DDX3X: variants seen among roughly 807,000 people sequenced by gnomAD.
The protein encoded by DDX3X is DEAD-box helicase 3 X-linked.
DDX3X carries 4 observed loss-of-function variants against 52.7 expected under a neutral mutation model. The observed-to-expected ratio is 0.08, with a 90% CI of 0.04 to 0.17. DDX3X has a LOEUF of 0.17. Ranked by LOEUF, DDX3X falls within the 10% of genes least tolerant of loss-of-function variation. DDX3X has a pLI of 1.00. For missense variants in DDX3X, 222 were observed against 548.6 expected, an observed-to-expected ratio of 0.40 and a Z score of 5.95; for synonymous variants, 192 against 178.1, an observed-to-expected ratio of 1.08 and a Z score of -0.62.
At chrX:41,335,372 G>A (rs2063750495) in intron 1 of DDX3X, 1 of 111,451 alleles carries the variant, frequency 9.0e-6, no homozygotes, top group Admixed American at 9.5e-5. Flanking sequence ...GTTGCTATCT[G>A]TGGAGTAGAA....
At chrX:41,334,546 A>G (rs1019017514) in intron 1 of DDX3X, 45 of 1,091,432 alleles carry the variant, frequency 4.1e-5, no homozygotes, top group Non-Finnish European at 5.2e-5. Context: ...GTGCGTGCGC[A>G]GGCGGGCGGA....
chrX:41,362,687 A>G (rs1204797682), intron 5 of DDX3X, among the ~76,000 whole-genome samples: 1 of 112,178 alleles, frequency 8.9e-6, no homozygotes, highest in Non-Finnish European at 1.9e-5. Context: ...GTTCCAAGGA[A>G]GCGCTACAGA....
downstream of DDX3X, among the ~76,000 whole-genome samples, chrX:41,353,179 C>T (rs1481667517): frequency 1.8e-5 from 2 of 109,615 alleles, no homozygotes; most frequent in South Asian, 3.9e-4. Context: ...TTGGGCTGGG[C>T]GCAGTGGCTC....
At chrX:41,345,097 A>G in intron 10 of DDX3X, 83 bp from the exon 11 acceptor site, 6 of 946,182 alleles carry the variant, frequency 6.3e-6, no homozygotes, top group Non-Finnish European at 9.0e-6. Flanking sequence ...TGTATTTGTA[A>G]TTATACTAAC....
At chrX:41,339,253 C>G (rs1569234795) in intron 3 of DDX3X, 170 bp downstream of exon 3, 1 of 231,440 alleles carries the variant, frequency 4.3e-6, no homozygotes. Context: ...AAGAACTCAT[C>G]TAATGTTACG....
intron 2 of DDX3X, chrX:41,337,724 C>T (rs1040264517): frequency 1.2e-4 from 27 of 233,913 alleles, no homozygotes; most frequent in African/African-American, 6.9e-4. Flanking sequence ...CGGCTCACCG[C>T]AGTCTCTGCC....
chrX:41,360,587 C>T, intron 5 of DDX3X, among the ~76,000 whole-genome samples: 1 of 107,837 alleles, frequency 9.3e-6, no homozygotes. Context: ...GGATTATAGG[C>T]ATGCGCCACC....
intron 3 of DDX3X, 35 bp downstream of exon 3, chrX:41,339,118 T>C: frequency 1.1e-6 from 1 of 897,543 alleles, no homozygotes; most frequent in Non-Finnish European, 1.5e-6. Flanking sequence ...AGGTCTATTT[T>C]TTGCCTCCTT....
In DDX3X at chrX:41,346,860, C is replaced by T. The variant is rs1237779886; in HGVS notation, c.1617C>T (p.Gly539=). The change falls in exon 15 of 17, where the codon GGC becomes GGT. Residue 539 remains glycine, a splice_region_variant and synonymous_variant. Transcript: ENST00000644876. ...IGRTGRVGNL[G]LATSFFNERN... The stretch of plus-strand genomic sequence containing the variant: ...ATACTTTTTTGGGAACTCTTTTAGG[C>T]CTGGCAACCTCATTCTTTAACGAGA... The T allele has an allele frequency of 5.0e-6, 6 of 1,203,132 alleles. No individual in the cohort carries two copies. In the African/African-American group the frequency reaches 8.8e-5, roughly 18 times the overall value.
At chrX:41,356,825 A>C (rs1253428684) in intron 5 of DDX3X, among the ~76,000 whole-genome samples, 1 of 110,492 alleles carries the variant, frequency 9.1e-6, no homozygotes, top group Non-Finnish European at 1.9e-5. Flanking sequence ...TTTGTCAAAA[A>C]TCAGTTGGCT....
intron 12 of DDX3X, chrX:41,345,998 C>A: frequency 2.6e-6 from 1 of 385,498 alleles, no homozygotes. Context: ...ATTGCACCTG[C>A]GAATGGCCAG....
chrX:41,337,734 C>T, intron 2 of DDX3X: 1 of 221,853 alleles, frequency 4.5e-6, no homozygotes, highest in Non-Finnish European at 7.9e-6. Context: ...CAGTCTCTGC[C>T]TCCGGGTTCA....
intron 5 of DDX3X, among the ~76,000 whole-genome samples, chrX:41,363,613 G>A (rs889958189): frequency 1.6e-4 from 18 of 109,452 alleles, no homozygotes; most frequent in Non-Finnish European, 3.0e-4. Context: ...GAGAAACCCC[G>A]TCTCTACTAA....
upstream of DDX3X, chrX:41,334,104 G>A: frequency 1.9e-6 from 1 of 521,903 alleles, no homozygotes. Context: ...CGTTGTACGT[G>A]CTGACGTAGC....
At chrX:41,362,929 G>C (rs2064035103) in intron 5 of DDX3X, among the ~76,000 whole-genome samples, 1 of 111,733 alleles carries the variant, frequency 8.9e-6, no homozygotes, top group Admixed American at 9.6e-5. Flanking sequence ...AGCCTCCCCT[G>C]CTGTCTTCCT....
At chrX:41,364,092 G>A (rs1231134799) in intron 5 of DDX3X, among the ~76,000 whole-genome samples, 3 of 111,997 alleles carry the variant, frequency 2.7e-5, no homozygotes, top group African/African-American at 6.5e-5. Flanking sequence ...GGATGGCAAT[G>A]TGCCTCTCTA....
Position 41,334,292 on chromosome X carries a change from C to G in DDX3X, c.40C>G (p.Gln14Glu). ...VAVENALGLD[Q>E]QFAGLDLNSS... ...AGTGGAAAATGCGCTCGGGCTGGAC[C>G]AGCAGGTGAGCCGCAAGAACCCCAC... Residue 14 changes from glutamine (Q) to glutamate (E), a missense_variant, in exon 1 of 17, where the codon CAG (glutamine) becomes GAG (glutamate). Physicochemically the swap from Gln to Glu is conservative, Grantham distance 29. Coordinates refer to ENST00000644876, the MANE Select transcript of DDX3X (RefSeq NM_001356.5). The G allele has an allele frequency of 8.3e-7, 1 of 1,211,187 alleles. No individual in the cohort carries two copies. The highest frequency in any genetic ancestry group is 1.1e-6 in the Non-Finnish European group (1 of 894,990).
At chrX:41,351,717 A>G (rs1252174668), downstream of DDX3X, 1 of 111,392 alleles carries the variant, frequency 9.0e-6, no homozygotes, top group Non-Finnish European at 1.9e-5. Flanking sequence ...ATTTTTCAGC[A>G]TGTTTAGTGT....
In DDX3X at chrX:41,348,536, A is replaced by G. The variant is rs1164511172; in HGVS notation, c.*817A>G. 8.9e-6 allele frequency: 1 copy of G among 112,727 alleles called. No individual in the cohort carries two copies. The allele number at this position is 112,727 out of a possible 1,213,427, so 9.3% of individuals were successfully genotyped here. A position where few individuals can be genotyped will look rare whatever the true frequency, so the allele number is the denominator to read the frequency against. On this transcript the variant is annotated 3_prime_UTR_variant, in exon 17 of 17. Transcript: ENST00000644876. Reference sequence around the variant, plus strand: ...CAAATGTGGGCATACTATTACAGGGAAAGTTTAAAGGTCTGATAACTTGAA... The same window carrying G: ...CAAATGTGGGCATACTATTACAGGGGAAGTTTAAAGGTCTGATAACTTGAA...
Sources: allele counts gnomAD v4.1 joint callset (sites outside exome capture counted in the v4.1 genomes callset), GRCh38; gene constraint gnomAD v4.1.1; transcripts MANE v1.5; gene names NCBI Gene and HGNC (gene_info 2026-07-23, HGNC 2026-07-21).